The following GPC3 variants were observed in gnomAD, a reference collection of about 807,000 sequenced individuals.
The protein encoded by GPC3 is glypican-3.
A neutral mutation model predicts 34.4 loss-of-function variants in GPC3; 3 were observed. That is an observed-to-expected ratio of 0.09 (90% CI 0.04 to 0.23). The LOEUF (loss-of-function observed/expected upper bound fraction) is 0.23, where lower values mean the gene tolerates loss of function less well. GPC3 is among the 10% of genes least tolerant of loss of function. The pLI is 1.00. For synonymous variants in GPC3, 177 were observed against 174.0 expected, an observed-to-expected ratio of 1.02 and a Z score of -0.13; for missense variants, 351 against 445.6, an observed-to-expected ratio of 0.79 and a Z score of 1.91.
chrX:133,732,433 C>T (rs1323460515), intron 3 of GPC3, among the ~76,000 whole-genome samples: 1 of 111,324 alleles, frequency 9.0e-6, no homozygotes, highest in Non-Finnish European at 1.9e-5. Flanking sequence ...CTGCCCCAAA[C>T]CTTAAACAAA....
intron 2 of GPC3, among the ~76,000 whole-genome samples, chrX:133,936,377 G>T (rs1325244220): frequency 1.8e-5 from 2 of 110,519 alleles, no homozygotes; most frequent in African/African-American, 6.6e-5. Flanking sequence ...GCTCAGACAG[G>T]TTAAGTGGTT....
At chrX:133,782,565 C>G (rs1043397334) in intron 2 of GPC3, among the ~76,000 whole-genome samples, 2 of 111,720 alleles carry the variant, frequency 1.8e-5, no homozygotes, top group Non-Finnish European at 3.8e-5. Flanking sequence ...TCCTCTTGTT[C>G]TTTTCATTTT....
intron 7 of GPC3, among the ~76,000 whole-genome samples, chrX:133,539,901 C>T (rs1353614641): frequency 1.8e-5 from 2 of 112,435 alleles, no homozygotes; most frequent in Non-Finnish European, 3.8e-5. Flanking sequence ...AAGATAAATA[C>T]AGACATTTCT....
chrX:133,690,834 G>A (rs1042877184), intron 5 of GPC3, among the ~76,000 whole-genome samples: 4 of 111,840 alleles, frequency 3.6e-5, no homozygotes, highest in African/African-American at 1.3e-4. Context: ...ACTAATTAGT[G>A]AAAGATTCAG....
chrX:133,965,980 G>A (rs1328417431), intron 1 of GPC3, among the ~76,000 whole-genome samples: 1 of 111,075 alleles, frequency 9.0e-6, no homozygotes, highest in Admixed American at 9.6e-5. Context: ...AGATAAACAG[G>A]GACTAAAACC....
intron 1 of GPC3, among the ~76,000 whole-genome samples, chrX:133,983,097 C>T (rs2076548449): frequency 9.0e-6 from 1 of 111,460 alleles, no homozygotes; most frequent in Non-Finnish European, 1.9e-5. Flanking sequence ...GCACTGCCCC[C>T]GGAAAATCCA....
At chrX:133,594,912 G>A (rs908002948) in intron 7 of GPC3, among the ~76,000 whole-genome samples, 3 of 110,096 alleles carry the variant, frequency 2.7e-5, no homozygotes, top group African/African-American at 6.6e-5. Flanking sequence ...AAAAAGTTGA[G>A]GCCAGCCATG....
chrX:133,864,379 T>G (rs1254577498), intron 2 of GPC3, among the ~76,000 whole-genome samples: 1 of 111,801 alleles, frequency 8.9e-6, no homozygotes, highest in Non-Finnish European at 1.9e-5. Context: ...AAGTAAGCTA[T>G]TATTTGGTAT....
chrX:133,809,361 G>A (rs1470516713), intron 2 of GPC3, among the ~76,000 whole-genome samples: 1 of 111,760 alleles, frequency 8.9e-6, no homozygotes, highest in East Asian at 2.8e-4. Context: ...TATTTGGAGA[G>A]GAGGGGAAAA....
chrX:133,878,670 C>T (rs1019479514), intron 2 of GPC3, among the ~76,000 whole-genome samples: 1 of 111,608 alleles, frequency 9.0e-6, no homozygotes, highest in Non-Finnish European at 1.9e-5. Context: ...GGGTCAGAGC[C>T]TGCTGCAAAC....
intron 3 of GPC3, among the ~76,000 whole-genome samples, chrX:133,726,845 C>T (rs2071413614): frequency 8.9e-6 from 1 of 112,240 alleles, no homozygotes; most frequent in African/African-American, 3.2e-5. Context: ...TCCCTCCGCA[C>T]CTGGATTTCC....
At chrX:133,851,184 A>G (rs1015200487) in intron 2 of GPC3, among the ~76,000 whole-genome samples, 6 of 111,855 alleles carry the variant, frequency 5.4e-5, no homozygotes, top group African/African-American at 1.9e-4. Flanking sequence ...CTCCTCAAAG[A>G]TTTACTTATT....
At chrX:133,853,424 A>G (rs2075884952) in intron 2 of GPC3, among the ~76,000 whole-genome samples, 4 of 111,789 alleles carry the variant, frequency 3.6e-5, no homozygotes, top group African/African-American at 1.3e-4. Context: ...TCTCCTCTCC[A>G]AGTACAGCCT....
chrX:133,793,846 TA>T (rs1480351459), intron 2 of GPC3, among the ~76,000 whole-genome samples: 2 of 111,701 alleles, frequency 1.8e-5, no homozygotes, highest in East Asian at 5.6e-4. Flanking sequence ...TTCCTGTTAA[TA>T]AAAAAGTTGA....
At chrX:133,702,083 G>A (rs2071172803) in intron 3 of GPC3, among the ~76,000 whole-genome samples, 1 of 112,130 alleles carries the variant, frequency 8.9e-6, no homozygotes, top group South Asian at 3.7e-4. Context: ...CAAACGAAGC[G>A]TGTGCATTCC....
At chrX:133,704,159 C>T (rs766718014) in intron 3 of GPC3, 3 of 798,106 alleles carry the variant, frequency 3.8e-6, no homozygotes, top group Non-Finnish European at 5.1e-6. Context: ...CACCTCTCAC[C>T]CACAGCAGGA....
intron 6 of GPC3, among the ~76,000 whole-genome samples, chrX:133,648,174 A>G (rs958185149): frequency 4.5e-5 from 5 of 112,065 alleles, no homozygotes; most frequent in African/African-American, 1.6e-4. Flanking sequence ...AGCTTGTCCA[A>G]CCCGCAGCCC....
intron 2 of GPC3, among the ~76,000 whole-genome samples, chrX:133,947,310 G>A (rs1028202506): frequency 3.6e-5 from 4 of 111,591 alleles, no homozygotes; most frequent in African/African-American, 1.3e-4. Flanking sequence ...CATGAGTTCA[G>A]GACCTTGTTC....
intron 4 of GPC3, among the ~76,000 whole-genome samples, chrX:133,693,747 G>A (rs1036279690): frequency 1.8e-5 from 2 of 111,625 alleles, no homozygotes; most frequent in African/African-American, 6.5e-5. Flanking sequence ...GACTTAATCC[G>A]ATTCTTCATT....
Sources: gnomAD v4.1 joint callset for allele counts (sites outside exome capture counted in the v4.1 genomes callset) on GRCh38, gnomAD v4.1.1 for gene constraint, MANE v1.5 for transcripts, NCBI Gene and HGNC (gene_info 2026-07-23, HGNC 2026-07-21) for gene names.